Variants in RPH3AL observed in about 807,000 individuals in gnomAD.
RPH3AL encodes rab effector Noc2.
In RPH3AL, 38 loss-of-function variants were observed where a neutral mutation model predicts 43.1. The observed-to-expected ratio is 0.88, with a 90% CI of 0.68 to 1.15. RPH3AL has a LOEUF of 1.15. Ranked by LOEUF, RPH3AL falls within the 50% of genes most tolerant of loss-of-function variation. The probability of loss-of-function intolerance (pLI) is 0.00; values close to 1 mark genes in which losing one functional copy is unlikely to be tolerated. For missense variants in RPH3AL, 462 were observed against 423.2 expected (o/e 1.09, Z -0.81); for synonymous variants, 189 against 176.3 (o/e 1.07, Z -0.57).
chr17:258,111 TC>T (rs1386262198), intron 6 of RPH3AL, among the ~76,000 whole-genome samples: 2 of 152,180 alleles, frequency 1.3e-5, no homozygotes, highest in East Asian at 3.9e-4. Context: ...TGAGCAATGT[TC>T]CCCTGTACGG....
chr17:324,193 C>T (rs1340958257), intron 3 of RPH3AL, among the ~76,000 whole-genome samples: 4 of 152,194 alleles, frequency 2.6e-5, no homozygotes, highest in African/African-American at 9.7e-5. Flanking sequence ...CCTGACCTGC[C>T]GAGTTCGTAT....
At chr17:280,969 G>C (rs954489012) in intron 6 of RPH3AL, among the ~76,000 whole-genome samples, 1 of 152,196 alleles carries the variant, frequency 6.6e-6, no homozygotes, top group Non-Finnish European at 1.5e-5. Context: ...TGGAAGACCA[G>C]CTGCACGCCT....
intron 5 of RPH3AL, among the ~76,000 whole-genome samples, chr17:307,789 C>T (rs962186946): frequency 2.0e-5 from 3 of 152,224 alleles, no homozygotes; most frequent in African/African-American, 7.2e-5. Flanking sequence ...CAGCACCGCA[C>T]AAGATAGCTG....
At chr17:320,970 G>A (rs985484014) in intron 4 of RPH3AL, among the ~76,000 whole-genome samples, 4 of 152,136 alleles carry the variant, frequency 2.6e-5, no homozygotes, top group Non-Finnish European at 5.9e-5. Context: ...ACCTGCAGGT[G>A]TGCACAGCCG....
chr17:331,359 C>T (rs1009633745), intron 2 of RPH3AL: 8 of 86,690 alleles, frequency 9.2e-5, no homozygotes, highest in East Asian at 4.0e-4. Flanking sequence ...CCACGGGCAG[C>T]GCCAGGGCAG....
chr17:343,978 T>TATTATTAAAAATA (rs1567540413), intron 1 of RPH3AL, among the ~76,000 whole-genome samples: 4 of 40,528 alleles, frequency 9.9e-5, no homozygotes, highest in Admixed American at 2.6e-4. Context: ...TCATCATCAT[T>TATTATTAAAAATA]ACCATCACCA....
chr17:239,124 G>A (rs529844434), intron 7 of RPH3AL, among the ~76,000 whole-genome samples: 1 of 152,180 alleles, frequency 6.6e-6, no homozygotes, highest in Admixed American at 6.5e-5. Flanking sequence ...CAAGGGGTCT[G>A]CAGGCAACTC....
chr17:330,070 GAGAGGCCTGGGCCCAGC>G (rs1419365463), intron 2 of RPH3AL, among the ~76,000 whole-genome samples: 3 of 152,260 alleles, frequency 2.0e-5, no homozygotes, highest in Non-Finnish European at 2.9e-5. Flanking sequence ...GGGACCCCCA[GAGAGGCCTGGGCCCAGC>G]TTGGAGAACT....
At chr17:346,512 C>T (rs2045239564) in intron 1 of RPH3AL, among the ~76,000 whole-genome samples, 1 of 133,920 alleles carries the variant, frequency 7.5e-6, no homozygotes, top group African/African-American at 2.6e-5. Flanking sequence ...GAACCATCAG[C>T]TCTCGTGAGA....
intron 3 of RPH3AL, among the ~76,000 whole-genome samples, chr17:325,692 T>C (rs2044602886): frequency 6.6e-6 from 1 of 152,190 alleles, no homozygotes; most frequent in African/African-American, 2.4e-5. Context: ...TGCTCACCTC[T>C]GCCCACCTGT....
At chr17:253,659 T>C (rs902111486) in intron 6 of RPH3AL, among the ~76,000 whole-genome samples, 1 of 152,058 alleles carries the variant, frequency 6.6e-6, no homozygotes, top group East Asian at 1.9e-4. Flanking sequence ...CCCAGTCTGC[T>C]GTCTGTCCCT....
rs371278358 is a variant in RPH3AL, at chr17:241,137, C to T, written c.613+5974G>A. On this transcript the variant is annotated intron_variant, in intron 7 of 9. Transcript: ENST00000331302. ...AGGATGGTGGCTCATGCCTGTAATT[C>T]CAGCACTTTGGAAGGCCAAGGTGGG... Among the ~76,000 whole-genome samples, 30 of 151,566 alleles carry T rather than the reference C, an allele frequency of 2.0e-4. No homozygotes were observed. In the South Asian group the frequency reaches 4.6e-3, roughly 23 times the overall value.
At chr17:278,025 G>C (rs1219496144) in intron 6 of RPH3AL, among the ~76,000 whole-genome samples, 3 of 152,002 alleles carry the variant, frequency 2.0e-5, no homozygotes, top group African/African-American at 2.4e-5. Flanking sequence ...CACCAACATG[G>C]TCTGACCCAC....
At chr17:310,762 G>A (rs1483399146) in intron 5 of RPH3AL, among the ~76,000 whole-genome samples, 3 of 152,198 alleles carry the variant, frequency 2.0e-5, no homozygotes, top group African/African-American at 7.2e-5. Context: ...ACCAGTCGGT[G>A]TGCGATAAAT....
At chr17:251,075 C>T (rs1419707317) in intron 6 of RPH3AL, among the ~76,000 whole-genome samples, 1 of 152,192 alleles carries the variant, frequency 6.6e-6, no homozygotes, top group Non-Finnish European at 1.5e-5. Context: ...GGGCAGGGCA[C>T]CTCCTTATGC....
intron 7 of RPH3AL, among the ~76,000 whole-genome samples, chr17:243,715 A>G: frequency 7.2e-6 from 1 of 139,128 alleles, no homozygotes; most frequent in South Asian, 2.3e-4. Context: ...TCCTCTATTG[A>G]TTACCCTTCC....
chr17:265,659 T>C (rs1420592206), intron 6 of RPH3AL, among the ~76,000 whole-genome samples: 1 of 152,250 alleles, frequency 6.6e-6, no homozygotes, highest in Non-Finnish European at 1.5e-5. Context: ...TCTTTCCTCA[T>C]TATTTCCTTC....
At chr17:336,362 G>C (rs961427321) in intron 1 of RPH3AL, among the ~76,000 whole-genome samples, 1 of 152,134 alleles carries the variant, frequency 6.6e-6, no homozygotes, top group African/African-American at 2.4e-5. Context: ...ACTCGGAAGC[G>C]TTGCAGGCTG....
intron 6 of RPH3AL, among the ~76,000 whole-genome samples, chr17:248,641 G>GA (rs1423672058): frequency 1.3e-5 from 2 of 152,120 alleles, no homozygotes; most frequent in Non-Finnish European, 2.9e-5. Context: ...GGGCTCTGAG[G>GA]GGTCCCTCTG....
Sources: allele counts gnomAD v4.1 joint callset (sites outside exome capture counted in the v4.1 genomes callset), GRCh38; gene constraint gnomAD v4.1.1; transcripts MANE v1.5; gene names NCBI Gene and HGNC (gene_info 2026-07-23, HGNC 2026-07-21).